Variants in SDCBP2 observed in about 807,000 individuals in gnomAD.
SDCBP2 encodes syntenin-2.
SDCBP2 carries 28 observed loss-of-function variants against 30.7 expected under a neutral mutation model. The ratio of observed to expected loss-of-function variants is 0.91; its 90% CI spans 0.68 to 1.25. SDCBP2 has a LOEUF of 1.25. Ranked by LOEUF, SDCBP2 falls within the 50% of genes most tolerant of loss-of-function variation. The pLI is 0.00. For missense variants in SDCBP2, 399 were observed against 379.0 expected (o/e 1.05, Z -0.44); for synonymous variants, 166 against 157.3 (o/e 1.06, Z -0.41).
Position 1,313,675 on chromosome 20 carries a change from C to T in SDCBP2, c.226-177G>A, listed in dbSNP as rs1200890003. ...GAGGAGACGTGGCTCCACGCGGCCACTAGGGGGCGTCAAAGTCCATGCCCT... is the reference window on the plus strand; with the variant it reads ...GAGGAGACGTGGCTCCACGCGGCCATTAGGGGGCGTCAAAGTCCATGCCCT... On this transcript the variant is annotated intron_variant, in intron 4 of 8. Coordinates refer to ENST00000360779, the MANE Select transcript of SDCBP2 (RefSeq NM_080489.5). This position sits in a 1 kb window ranked among gnomAD's most constrained non-coding sequence, Gnocchi z 5.2. 1 of 1,367,916 alleles carries T rather than the reference C, an allele frequency of 7.3e-7. No individual in the cohort carries two copies. The highest frequency in any genetic ancestry group is 1.5e-5 in the African/African-American group (1 of 66,620). The allele number at this position is 1,367,916 out of a possible 1,614,324, so 84.7% of individuals were successfully genotyped here. A position where few individuals can be genotyped will look rare whatever the true frequency, so the allele number is the denominator to read the frequency against.
chr20:1,316,846 A>G (rs2088784999), intron 4 of SDCBP2, among the ~76,000 whole-genome samples: 2 of 152,228 alleles, frequency 1.3e-5, no homozygotes, highest in African/African-American at 4.8e-5. Context: ...CAACTTAGCT[A>G]TTCTTCAACA....
At chr20:1,323,864 A>T (rs1472848738) in intron 1 of SDCBP2, 1 of 151,794 alleles carries the variant, frequency 6.6e-6, no homozygotes, top group Non-Finnish European at 1.5e-5. Flanking sequence ...TTCTGTCTAC[A>T]GTTGGTTGGA....
chr20:1,319,551 G>A, intron 3 of SDCBP2, 39 bp downstream of exon 3: 1 of 1,545,790 alleles, frequency 6.5e-7, no homozygotes, highest in Non-Finnish European at 8.8e-7. Context: ...TCCCTGAAAG[G>A]ACTTGGCACC....
intron 8 of SDCBP2, 57 bp downstream of exon 8, chr20:1,310,743 A>G: frequency 8.3e-6 from 12 of 1,453,040 alleles, no homozygotes; most frequent in Non-Finnish European, 1.1e-5. Flanking sequence ...GGAGGCCGGG[A>G]GGTGAAGGGG....
Position 1,320,465 on chromosome 20 carries a change from A to G in SDCBP2, c.-19-30T>C. ...AGAGTGCAGAGGGTGGGGAAGGATA[A>G]GGATGCAGCTGATGCCCCCTTGAAA... On this transcript the variant is annotated intron_variant, in intron 1 of 8. Coordinates refer to ENST00000360779, the MANE Select transcript of SDCBP2 (RefSeq NM_080489.5). The surrounding 1 kb of genome is among the most constrained non-coding windows in gnomAD (Gnocchi z 4.7). 1.3e-6 allele frequency: 2 copies of G among 1,557,084 alleles called. No homozygotes were observed. Among genetic ancestry groups the G allele is most frequent in the Non-Finnish European group, 1.8e-6 (2 of 1,137,768 alleles).
intron 4 of SDCBP2, among the ~76,000 whole-genome samples, chr20:1,316,967 C>T (rs576914788): frequency 6.6e-6 from 1 of 152,204 alleles, no homozygotes; most frequent in East Asian, 1.9e-4. Context: ...GGGTATTGTG[C>T]TGAGTGAAAA....
Position 1,319,647 on chromosome 20 carries a change from C to T in SDCBP2, c.67G>A (p.Ala23Thr), listed in dbSNP as rs766098404. 2.6e-6 allele frequency: 4 copies of T among 1,566,114 alleles called. No individual in the cohort carries two copies. Among genetic ancestry groups the T allele is most frequent in the Admixed American group, 1.9e-5 (1 of 51,766 alleles). Reference protein sequence around the residue: ...VDQAIQAQVRASPKMPALPVQ... With the variant: ...VDQAIQAQVRTSPKMPALPVQ... ...GGCAGGGCTGGCATCTTGGGTGAGG[C>T]TCTGACCTGGGCCTGGGGAGGAGCA... Residue 23 changes from alanine to threonine, a missense_variant, in exon 3 of 9, where the codon GCC becomes ACC. By Grantham distance (58) the Ala-to-Thr change is moderately conservative (BLOSUM62 0). Coordinates refer to ENST00000360779, the MANE Select transcript of SDCBP2 (RefSeq NM_080489.5).
intron 2 of SDCBP2, 141 bp from the exon 3 acceptor site, chr20:1,319,800 G>T (rs2088828814): frequency 3.1e-6 from 2 of 643,272 alleles, no homozygotes; most frequent in Non-Finnish European, 5.2e-6. Context: ...CAACCCTCAG[G>T]GCTCAAGATC....
intron 3 of SDCBP2, 183 bp downstream of exon 3, chr20:1,319,407 A>C: frequency 1.6e-6 from 1 of 639,118 alleles, no homozygotes; most frequent in South Asian, 1.8e-5. Flanking sequence ...AGGTGAGGTG[A>C]CTCAGCCCAG....
intron 7 of SDCBP2, 69 bp from the exon 8 acceptor site, chr20:1,310,960 G>A: frequency 3.4e-6 from 4 of 1,172,326 alleles, no homozygotes; most frequent in Non-Finnish European, 5.0e-6. Context: ...AGGCCCCTCT[G>A]TGGAGGGATC....
chr20:1,318,035 C>G, intron 4 of SDCBP2: 2 of 475,896 alleles, frequency 4.2e-6, no homozygotes, highest in Non-Finnish European at 8.1e-6. Context: ...TCACGCTGGG[C>G]TTAATGACCT....
chr20:1,314,527 G>GGAAAA (rs1207197802), intron 4 of SDCBP2, among the ~76,000 whole-genome samples: 2 of 120,102 alleles, frequency 1.7e-5, no homozygotes, highest in Admixed American at 8.7e-5. Flanking sequence ...GGAAAGGAAA[G>GGAAAA]GAAAAGAAAA....
intron 3 of SDCBP2, 128 bp downstream of exon 3, chr20:1,319,462 C>G (rs1230975372): frequency 1.7e-5 from 18 of 1,031,614 alleles, no homozygotes; most frequent in Non-Finnish European, 2.9e-6. Flanking sequence ...AAGCCTGGTC[C>G]TCTCTTCCCA....
At chr20:1,311,900 CTTT>C (rs11471529) in intron 7 of SDCBP2, among the ~76,000 whole-genome samples, 1 of 121,106 alleles carries the variant, frequency 8.3e-6, no homozygotes, top group African/African-American at 3.4e-5. Flanking sequence ...GGTACACTGT[CTTT>C]TTTTTTTTTT....
At chr20:1,323,516 T>G (rs1268505931) in intron 1 of SDCBP2, 1 of 152,206 alleles carries the variant, frequency 6.6e-6, no homozygotes, top group East Asian at 1.9e-4. Flanking sequence ...TAACCCTTTT[T>G]CTGTGTCTGA....
chr20:1,311,034 C>T (rs972840112), intron 7 of SDCBP2, 143 bp from the exon 8 acceptor site: 30 of 589,908 alleles, frequency 5.1e-5, no homozygotes, highest in African/African-American at 4.3e-4. Context: ...CCTCGGACCC[C>T]GAGCCTGTCA....
At chr20:1,318,086 C>T (rs2088804234) in intron 4 of SDCBP2, 1 of 569,394 alleles carries the variant, frequency 1.8e-6, no homozygotes, top group Non-Finnish European at 3.3e-6. Flanking sequence ...AAGGGCAAGC[C>T]CTGGTTCTCC....
Position 1,320,341 on chromosome 20 carries a change from C to T in SDCBP2, c.54+22G>A. On this transcript the variant is annotated intron_variant, in intron 2 of 8. Transcript: ENST00000360779. The surrounding 1 kb of genome is among the most constrained non-coding windows in gnomAD (Gnocchi z 4.7). ...CAAGGTCCCCTTCAGGGAATCCAGGCCAATGGGGCCTGGCGACTTACCTGA... is the reference window on the plus strand; with the variant it reads ...CAAGGTCCCCTTCAGGGAATCCAGGTCAATGGGGCCTGGCGACTTACCTGA... The T allele has an allele frequency of 6.2e-7, 1 of 1,611,286 alleles. No individual in the cohort carries two copies. The highest frequency in any genetic ancestry group is 8.5e-7 in the Non-Finnish European group (1 of 1,177,738).
chr20:1,314,513 G>GAAA (rs2088743682), intron 4 of SDCBP2, among the ~76,000 whole-genome samples: 12 of 84,072 alleles, frequency 1.4e-4, no homozygotes, highest in Non-Finnish European at 2.0e-4. Context: ...AAAAAAAAAG[G>GAAA]AAAGGAAAGG....
Sources: gnomAD v4.1 joint callset for allele counts (sites outside exome capture counted in the v4.1 genomes callset) on GRCh38, gnomAD v4.1.1 for gene constraint, Gnocchi (gnomAD v3.1) non-coding constraint, MANE v1.5 for transcripts, NCBI Gene and HGNC (gene_info 2026-07-23, HGNC 2026-07-21) for gene names.